WSB2: variants seen among roughly 807,000 people sequenced by gnomAD.
WSB2 encodes the protein WD repeat and SOCS box containing 2.
WSB2 carries 12 observed loss-of-function variants against 48.8 expected under a neutral mutation model. The ratio of observed to expected loss-of-function variants is 0.25; its 90% CI spans 0.16 to 0.40. WSB2 has a LOEUF of 0.40. Ranked by LOEUF, WSB2 falls within the 10% of genes least tolerant of loss-of-function variation. WSB2 has a pLI of 1.00. For synonymous variants in WSB2, 191 were observed against 203.1 expected (o/e 0.94, Z 0.51); for missense variants, 317 against 506.2 (o/e 0.63, Z 3.59).
chr12:118,051,337 G>T (rs1414298868), intron 2 of WSB2, among the ~76,000 whole-genome samples: 2 of 152,178 alleles, frequency 1.3e-5, no homozygotes, highest in Non-Finnish European at 1.5e-5. Flanking sequence ...AATGTTCATA[G>T]CAGCACTATT....
intron 2 of WSB2, among the ~76,000 whole-genome samples, chr12:118,048,209 G>A (rs1412040821): frequency 6.6e-6 from 1 of 151,946 alleles, no homozygotes; most frequent in Non-Finnish European, 1.5e-5. Context: ...GATTACAGGC[G>A]TGAGCCACCG....
intron 1 of WSB2, among the ~76,000 whole-genome samples, chr12:118,056,554 G>A (rs2031960663): frequency 6.6e-6 from 1 of 152,150 alleles, no homozygotes; most frequent in Non-Finnish European, 1.5e-5. Flanking sequence ...GGCAGGCAGT[G>A]AGTAAATATT....
intron 4 of WSB2, among the ~76,000 whole-genome samples, chr12:118,039,774 TG>T (rs1354646571): frequency 6.6e-6 from 1 of 151,940 alleles, no homozygotes; most frequent in Non-Finnish European, 1.5e-5. Flanking sequence ...GACAGAGTCT[TG>T]TTCTGTTGCC....
At chr12:118,036,660 G>T in intron 5 of WSB2, 150 bp from the exon 6 acceptor site, 1 of 830,312 alleles carries the variant, frequency 1.2e-6, no homozygotes, top group Non-Finnish European at 1.8e-6. Context: ...AGAACGTGTG[G>T]TGTAGGTTTA....
At chr12:118,052,616 G>T (rs58639682) in intron 1 of WSB2, 138 bp from the exon 2 acceptor site, 217,456 of 1,329,332 alleles carry the variant, frequency 0.16, 18,817 homozygotes, top group Middle Eastern at 0.19. Flanking sequence ...AATGACCCAG[G>T]GCAATAACAG....
intron 4 of WSB2, 35 bp from the exon 5 acceptor site, chr12:118,038,423 C>T (rs747974714): frequency 2.3e-5 from 37 of 1,596,274 alleles, no homozygotes; most frequent in Non-Finnish European, 2.8e-5. Context: ...TGAGCCAGTC[C>T]TCAACAAAGC....
chr12:118,058,987 C>G (rs536056943), intron 1 of WSB2, among the ~76,000 whole-genome samples: 2 of 152,108 alleles, frequency 1.3e-5, no homozygotes, highest in Non-Finnish European at 2.9e-5. Context: ...TGAGCCACCC[C>G]GGCGCATTTG....
chr12:118,036,574 AG>A (rs1231511486), intron 5 of WSB2, 64 bp from the exon 6 acceptor site: 1 of 1,505,652 alleles, frequency 6.6e-7, no homozygotes, highest in Non-Finnish European at 8.9e-7. Context: ...AAACGGAGGG[AG>A]GGAAAGGTAC....
intron 2 of WSB2, among the ~76,000 whole-genome samples, 196 bp downstream of exon 2, chr12:118,052,114 A>G (rs905892596): frequency 1.3e-5 from 2 of 152,226 alleles, no homozygotes; most frequent in Non-Finnish European, 2.9e-5. Flanking sequence ...TGGGAAAAAA[A>G]GCCAACTTGG....
intron 2 of WSB2, 55 bp downstream of exon 2, chr12:118,052,252 AAAG>A: frequency 3.2e-6 from 5 of 1,580,832 alleles, no homozygotes; most frequent in Non-Finnish European, 4.3e-6. Flanking sequence ...AGAGATGGCA[AAAG>A]AACAAGGAGT....
chr12:118,041,264 G>T (rs1301720686), intron 4 of WSB2, among the ~76,000 whole-genome samples: 2 of 152,120 alleles, frequency 1.3e-5, no homozygotes, highest in Non-Finnish European at 2.9e-5. Flanking sequence ...CTCAGGAATG[G>T]GATTAGTGCC....
At chr12:118,062,068 C>A (rs1436884601), upstream of WSB2, 5 of 1,531,646 alleles carry the variant, frequency 3.3e-6, no homozygotes, top group Admixed American at 6.0e-5. Flanking sequence ...GGGGCAGGAG[C>A]GATTCGGAAG....
At chr12:118,052,270 G>A (rs780406245) in intron 2 of WSB2, 40 bp downstream of exon 2, 6 of 1,601,384 alleles carry the variant, frequency 3.7e-6, no homozygotes, top group African/African-American at 1.3e-5. Context: ...AGGAGTGTTT[G>A]GAAATGCGCC....
chr12:118,046,661 G>A lies in WSB2; in HGVS notation c.183-3284C>T, dbSNP rs527392121. 9.8e-4 allele frequency among the ~76,000 whole-genome samples: 149 copies of A among 152,310 alleles called. 1 individual carries two copies. The highest frequency in any genetic ancestry group is 2.0e-3 in the Admixed American group (31 of 15,286). On this transcript the variant is annotated intron_variant, in intron 2 of 8. Transcript: ENST00000315436. ...CACTGGCCCCTGAGTTTGTTGTCAC[G>A]AGAAGCAGCACTTAAGAGGCAGGCT...
chr12:118,054,151 C>T (rs1238124219), intron 1 of WSB2, among the ~76,000 whole-genome samples: 1 of 143,326 alleles, frequency 7.0e-6, no homozygotes, highest in Non-Finnish European at 1.5e-5. Context: ...GCAGGCAGAT[C>T]ACTTGAGGAC....
chr12:118,060,927 A>C lies in WSB2; in HGVS notation c.13+109T>G. On this transcript the variant is annotated intron_variant, in intron 1 of 8. Transcript: ENST00000315436. The surrounding 1 kb of genome is among the most constrained non-coding windows in gnomAD (Gnocchi z 4.1). ...CAGGCCGGACGCCCCCGCCGCGTCCAGCCCCCGCCCCACCCCGCCCAGCCC... is the reference window on the plus strand; with the variant it reads ...CAGGCCGGACGCCCCCGCCGCGTCCCGCCCCCGCCCCACCCCGCCCAGCCC... 4.5e-6 allele frequency: 2 copies of C among 442,736 alleles called. No individual in the cohort carries two copies. The highest frequency in any genetic ancestry group is 6.0e-6 in the Non-Finnish European group (2 of 334,956). The allele number at this position is 442,736 out of a possible 1,614,324, so 27.4% of individuals were successfully genotyped here. A position where few individuals can be genotyped will look rare whatever the true frequency, so the allele number is the denominator to read the frequency against.
At chr12:118,058,577 C>G (rs1489841462) in intron 1 of WSB2, among the ~76,000 whole-genome samples, 2 of 152,140 alleles carry the variant, frequency 1.3e-5, no homozygotes, top group Non-Finnish European at 2.9e-5. Context: ...GTCTCAAACT[C>G]CTGAGCTCAA....
upstream of WSB2, among the ~76,000 whole-genome samples, chr12:118,061,404 G>A (rs1461449815): frequency 6.9e-6 from 1 of 144,968 alleles, no homozygotes; most frequent in African/African-American, 2.6e-5. Flanking sequence ...GGTGGGGGGA[G>A]CTGAGCGGAA....
chr12:118,038,469 C>T (rs1038069375), intron 4 of WSB2, 81 bp from the exon 5 acceptor site: 6 of 1,316,482 alleles, frequency 4.6e-6, no homozygotes, highest in African/African-American at 2.9e-5. Flanking sequence ...GGGGTGGTAA[C>T]AGCCCCCAGC....
Sources: allele counts gnomAD v4.1 joint callset (sites outside exome capture counted in the v4.1 genomes callset), GRCh38; gene constraint gnomAD v4.1.1; non-coding constraint Gnocchi (gnomAD v3.1); transcripts MANE v1.5; gene names NCBI Gene and HGNC (gene_info 2026-07-23, HGNC 2026-07-21).